LIPN: variants seen among roughly 807,000 people sequenced by gnomAD.
The protein encoded by LIPN is lipase member N.
A neutral mutation model predicts 43.7 loss-of-function variants in LIPN; 32 were observed. That is an observed-to-expected ratio of 0.73 (90% confidence interval 0.55 to 0.98). The LOEUF (loss-of-function observed/expected upper bound fraction) is 0.98. LIPN is among the 50% of genes least tolerant of loss of function. LIPN has a pLI of 0.00. For missense variants in LIPN, 505 were observed against 483.8 expected (o/e 1.04, Z -0.41); for synonymous variants, 156 against 157.6 (o/e 0.99, Z 0.08).
intron 6 of LIPN, chr10:88,769,684 T>C: frequency 3.5e-6 from 2 of 574,522 alleles, no homozygotes; most frequent in Non-Finnish European, 4.4e-6. Context: ...ATAATTCATA[T>C]ATAAGAAAAT....
At chr10:88,761,750 TC>T (rs1843002511) in intron 2 of LIPN, among the ~76,000 whole-genome samples, 3 of 103,208 alleles carry the variant, frequency 2.9e-5, no homozygotes, top group African/African-American at 1.5e-4. Context: ...TATCTATCTA[TC>T]TATCTATCTA....
chr10:88,769,173 T>G (rs1175779482), intron 6 of LIPN, among the ~76,000 whole-genome samples: 1 of 151,916 alleles, frequency 6.6e-6, no homozygotes, highest in Non-Finnish European at 1.5e-5. Context: ...ATGTCAGAAT[T>G]TCTAGCTGAA....
upstream of LIPN, among the ~76,000 whole-genome samples, chr10:88,759,885 C>T (rs1473533106): frequency 6.6e-6 from 1 of 152,090 alleles, no homozygotes; most frequent in Admixed American, 6.6e-5. Flanking sequence ...TATTTCCCAA[C>T]CTGCAAGTGC....
chr10:88,770,723 G>A (rs1294589942), intron 6 of LIPN, 122 bp from the exon 7 acceptor site: 3 of 567,366 alleles, frequency 5.3e-6, no homozygotes, highest in African/African-American at 3.8e-5. Context: ...ATTTGGGCTT[G>A]TTGTCCTTGT....
intron 7 of LIPN, among the ~76,000 whole-genome samples, chr10:88,771,431 G>C (rs372444): frequency 0.16 from 24,294 of 151,552 alleles, 2,118 homozygotes; most frequent in Non-Finnish European, 0.2. Context: ...ACCTTTCCCA[G>C]CCTCTGGTAA....
intron 3 of LIPN, among the ~76,000 whole-genome samples, chr10:88,762,645 A>G (rs775941166): frequency 4.6e-5 from 7 of 152,082 alleles, no homozygotes; most frequent in Admixed American, 6.6e-5. Flanking sequence ...TCTCATTGTC[A>G]GAAGGAGATT....
rs303486 is a variant in LIPN at position 88,778,704 on chromosome 10, T to A, written c.*462T>A. Among the ~76,000 whole-genome samples the A allele has an allele frequency of 6.6e-6, 1 of 152,064 alleles. No individual in the cohort carries two copies. The highest frequency in any genetic ancestry group is 1.5e-5 in the Non-Finnish European group (1 of 67,990). On this transcript the variant is annotated 3_prime_UTR_variant, in exon 10 of 10. Transcript: ENST00000404459. ...AAAAGTTTCTTAGCTATCCTGAAGA[T>A]GTATAGACATTTTTACTTTTTTAGG...
chr10:88,773,613 C>A (rs796444615), intron 7 of LIPN, among the ~76,000 whole-genome samples: 11 of 151,950 alleles, frequency 7.2e-5, no homozygotes, highest in African/African-American at 2.4e-4. Context: ...GAAGAGTTCA[C>A]ATCCACAGAC....
chr10:88,761,718 GCTATCTATCTATCTAT>G lies in LIPN; in HGVS notation c.108+234_108+249del, dbSNP rs71022539. 9.3e-3 allele frequency among the ~76,000 whole-genome samples: 1,354 copies of G among 145,866 alleles called. 12 individuals carry two copies. The highest frequency in any genetic ancestry group is 0.042 in the Middle Eastern group (12 of 288). On this transcript the variant is annotated intron_variant, in intron 2 of 9. Coordinates refer to ENST00000404459, the MANE Select transcript of LIPN (RefSeq NM_001102469.2). ...AATGAAAACCAAATTGTGCTATTGT[GCTATCTATCTATCTAT>G]CTATCTATCTATCTATCTATCTATC...
intron 9 of LIPN, among the ~76,000 whole-genome samples, chr10:88,775,587 C>T (rs1323166992): frequency 6.6e-6 from 1 of 151,902 alleles, no homozygotes; most frequent in Non-Finnish European, 1.5e-5. Flanking sequence ...AATGAATATA[C>T]ACTTTTTAAT....
At chr10:88,761,105 A>G (rs1842988713) in intron 1 of LIPN, among the ~76,000 whole-genome samples, 1 of 152,142 alleles carries the variant, frequency 6.6e-6, no homozygotes. Flanking sequence ...TTGTAGGCAA[A>G]CAAAGACTTA....
chr10:88,770,347 A>G (rs1843183859), intron 6 of LIPN, among the ~76,000 whole-genome samples: 3 of 151,910 alleles, frequency 2.0e-5, no homozygotes, highest in Admixed American at 2.0e-4. Context: ...CATGGGTAAC[A>G]TGGAAAACCC....
At chr10:88,773,267 T>G (rs1450181886) in intron 7 of LIPN, among the ~76,000 whole-genome samples, 2 of 151,946 alleles carry the variant, frequency 1.3e-5, no homozygotes, top group African/African-American at 4.8e-5. Flanking sequence ...ACTCTTCTAT[T>G]CCCTGGTGAA....
At chr10:88,764,034 G>C (rs1843046746) in intron 3 of LIPN, among the ~76,000 whole-genome samples, 2 of 151,904 alleles carry the variant, frequency 1.3e-5, no homozygotes, top group Admixed American at 6.6e-5. Flanking sequence ...TCCCTGCTCT[G>C]GCCTTCTTAT....
At position 88,777,916 on chromosome 10, in the gene LIPN, A is replaced by C. The variant is rs186727510; in HGVS notation, c.964-93A>C. The C allele has an allele frequency of 4.2e-6, 3 of 720,694 alleles. No individual in the cohort carries two copies. In the African/African-American group the frequency reaches 5.3e-5, roughly 13 times the overall value. The allele number at this position is 720,694 out of a possible 1,614,324, so 44.6% of individuals were successfully genotyped here. On this transcript the variant is annotated intron_variant, in intron 9 of 9. Coordinates refer to ENST00000404459, the MANE Select transcript of LIPN (RefSeq NM_001102469.2). ...TCATATGTTGCTGGTGCCTAACAGA[A>C]CTATGGCCATTGTCCACATTCATTT...
Position 88,774,546 on chromosome 10 carries a change from TAG to T in LIPN, c.891+5_891+6del. The T allele has an allele frequency of 6.2e-7, 1 of 1,606,670 alleles. No individual in the cohort carries two copies. Among genetic ancestry groups the T allele is most frequent in the Non-Finnish European group, 8.5e-7 (1 of 1,173,966 alleles). On this transcript the variant is annotated splice_donor_region_variant and intron_variant, in intron 8 of 9. Coordinates refer to ENST00000404459, the MANE Select transcript of LIPN (RefSeq NM_001102469.2). ...CACAACATTCTGCATATAAAACAGG[TAG>T]AGTCTTAGTCATGGAAAACCATTCC...
intron 6 of LIPN, among the ~76,000 whole-genome samples, chr10:88,770,252 A>G (rs1032241745): frequency 1.3e-5 from 2 of 151,656 alleles, no homozygotes; most frequent in African/African-American, 2.4e-5. Context: ...TTTCTGTTCA[A>G]TGGTTGCTTC....
chr10:88,773,626 G>C (rs776771808), intron 7 of LIPN, among the ~76,000 whole-genome samples: 1 of 151,766 alleles, frequency 6.6e-6, no homozygotes, highest in Non-Finnish European at 1.5e-5. Context: ...CCACAGACTG[G>C]TGTGGTTGAA....
chr10:88,769,688 A>T lies in LIPN; in HGVS notation c.672+760A>T, dbSNP rs924934038. 2.6e-4 allele frequency: 140 copies of T among 538,360 alleles called. 1 individual carries two copies. The highest frequency in any genetic ancestry group is 2.7e-4 in the Non-Finnish European group (113 of 421,772). The allele number at this position is 538,360 out of a possible 1,614,324, so 33.3% of individuals were successfully genotyped here. ...AGAATATCAAAATAATTCATATATA[A>T]GAAAATGAGACGTTGGTTTGGGGTA... On this transcript the variant is annotated intron_variant, in intron 6 of 9. Transcript: ENST00000404459.
Sources: allele counts gnomAD v4.1 joint callset (sites outside exome capture counted in the v4.1 genomes callset), GRCh38; gene constraint gnomAD v4.1.1; transcripts MANE v1.5; gene names NCBI Gene and HGNC (gene_info 2026-07-23, HGNC 2026-07-21).